Variants in PCDHGA11 observed in about 807,000 individuals in gnomAD.
The protein encoded by PCDHGA11 is protocadherin gamma subfamily A, 11, also known as protocadherin gamma-A11.
PCDHGA11 carries 39 observed loss-of-function variants against 60.4 expected under a neutral mutation model. The observed-to-expected ratio is 0.65, with a 90% CI of 0.50 to 0.84. The LOEUF (loss-of-function observed/expected upper bound fraction) is 0.84. Among genes scored for constraint, PCDHGA11 ranks in the 40% least tolerant of loss-of-function variants. The pLI, the probability that PCDHGA11 is intolerant of heterozygous loss-of-function variation, is 0.00. For synonymous variants in PCDHGA11, 533 were observed against 510.3 expected, an observed-to-expected ratio of 1.04 and a Z score of -0.60; for missense variants, 1,165 against 1,197.7, an observed-to-expected ratio of 0.97 and a Z score of 0.40.
At position 141,422,166 on chromosome 5, in the gene PCDHGA11, T is replaced by A. The variant is rs370704205; in HGVS notation, c.939T>A (p.Tyr313Ter). The change falls in exon 1 of 4, where the codon TAT (tyrosine) becomes TAA (stop). Residue 313 changes from tyrosine to a stop codon, truncating the protein, a stop_gained. Transcript: ENST00000398587. LOFTEE classifies it high-confidence loss of function. ...GGGGGTCTCTGGATTTTGAAAAATA[T>A]AGATTCTATGAGATGGAAATTCAAG... ...QVRGSLDFEK[Y>*]RFYEMEIQGQ... The A allele has an allele frequency of 6.4e-7, 1 of 1,569,256 alleles. No homozygotes were observed. Among genetic ancestry groups the A allele is most frequent in the African/African-American group, 1.4e-5 (1 of 72,688 alleles).
chr5:141,431,162 G>C lies in PCDHGA11; in HGVS notation c.2433+7502G>C, dbSNP rs757521794. The C allele has an allele frequency of 3.1e-6, 5 of 1,614,246 alleles. No homozygotes were observed. The South Asian group carries it at 5.5e-5, about 18-fold the overall frequency. On this transcript the variant is annotated intron_variant, in intron 1 of 3. Coordinates refer to ENST00000398587, the MANE Select transcript of PCDHGA11 (RefSeq NM_018914.3). The surrounding 1 kb of genome is among the most constrained non-coding windows in gnomAD (Gnocchi z 4.8). Reference sequence around the variant, plus strand: ...TAACGACAATGCGCCTTACTTTCGTGAAAGTGAATTAGAAATAAAAATTAG... The same window carrying C: ...TAACGACAATGCGCCTTACTTTCGTCAAAGTGAATTAGAAATAAAAATTAG...
At chr5:141,444,380 A>G (rs1475986922) in intron 1 of PCDHGA11, among the ~76,000 whole-genome samples, 1 of 151,876 alleles carries the variant, frequency 6.6e-6, no homozygotes, top group Non-Finnish European at 1.5e-5. Context: ...CATGTTGGTC[A>G]GGCTAGTCTT....
At chr5:141,466,457 A>G (rs969935541) in intron 1 of PCDHGA11, among the ~76,000 whole-genome samples, 12 of 152,146 alleles carry the variant, frequency 7.9e-5, no homozygotes, top group Admixed American at 6.6e-4. Context: ...GGTGTTGGCT[A>G]TTGTTTCTGC....
At chr5:141,473,450 T>A (rs2099322542) in intron 1 of PCDHGA11, among the ~76,000 whole-genome samples, 2 of 152,150 alleles carry the variant, frequency 1.3e-5, no homozygotes, top group South Asian at 4.1e-4. Flanking sequence ...AAAATAATTA[T>A]AAAATTTAAA....
chr5:141,492,360 G>A (rs2099739696), intron 1 of PCDHGA11, among the ~76,000 whole-genome samples: 1 of 152,190 alleles, frequency 6.6e-6, no homozygotes, highest in African/African-American at 2.4e-5. Context: ...CCACTCGCTC[G>A]CGGCCAGATT....
rs1330257915 is a variant in PCDHGA11 at position 141,486,153 on chromosome 5, C to T, written c.2434-8654C>T. Reference sequence around the variant, plus strand: ...GATGTGCGGGCTCGCGATGGGGGTTCTCCAGCCATGGAGCAACATTGCAGC... The same window carrying T: ...GATGTGCGGGCTCGCGATGGGGGTTTTCCAGCCATGGAGCAACATTGCAGC... On this transcript the variant is annotated intron_variant, in intron 1 of 3. Transcript: ENST00000398587. This position sits in a 1 kb window ranked among gnomAD's most constrained non-coding sequence, Gnocchi z 5.0. 1 of 1,614,084 alleles carries T rather than the reference C, an allele frequency of 6.2e-7. No homozygotes were observed. Among genetic ancestry groups the T allele is most frequent in the Non-Finnish European group, 8.5e-7 (1 of 1,180,036 alleles).
chr5:141,486,408 C>T lies in PCDHGA11; in HGVS notation c.2434-8399C>T. On this transcript the variant is annotated intron_variant, in intron 1 of 3. Coordinates refer to ENST00000398587, the MANE Select transcript of PCDHGA11 (RefSeq NM_018914.3). This position sits in a 1 kb window ranked among gnomAD's most constrained non-coding sequence, Gnocchi z 5.0. ...CAGTTCTCCCTGGTGACTGCTGGAC[C>T]CTTGGATCGAGAGGCCAAATCTAGC... is the stretch of plus-strand genomic sequence containing the variant. The T allele has an allele frequency of 1.2e-6, 2 of 1,614,156 alleles. No individual in the cohort carries two copies. Among genetic ancestry groups the T allele is most frequent in the South Asian group, 2.2e-5 (2 of 91,084 alleles).
chr5:141,471,042 C>G (rs2099247416), intron 1 of PCDHGA11, among the ~76,000 whole-genome samples: 1 of 139,088 alleles, frequency 7.2e-6, no homozygotes, highest in South Asian at 2.3e-4. Flanking sequence ...CAAGCCCAAG[C>G]CCTCTTTTTT....
chr5:141,498,390 T>C (rs2099783500), intron 2 of PCDHGA11, among the ~76,000 whole-genome samples: 1 of 151,982 alleles, frequency 6.6e-6, no homozygotes, highest in Non-Finnish European at 1.5e-5. Context: ...ATCAAGGGAA[T>C]GGCAGGGAGT....
In PCDHGA11 at chr5:141,421,207, A is replaced by G. The variant is rs1318794693; in HGVS notation, c.-21A>G. 3 of 1,533,934 alleles carry G rather than the reference A, an allele frequency of 2.0e-6. No homozygotes were observed. The highest frequency in any genetic ancestry group is 2.6e-6 in the Non-Finnish European group (3 of 1,143,592). ...AACCAACCAGCTCGAGAAACCGCGG[A>G]ATATCGGCTTAGAGCCTGCCATGGC... On this transcript the variant is annotated 5_prime_UTR_variant, in exon 1 of 4. Coordinates refer to ENST00000398587, the MANE Select transcript of PCDHGA11 (RefSeq NM_018914.3).
chr5:141,462,999 C>T (rs1360054048), intron 1 of PCDHGA11, among the ~76,000 whole-genome samples: 1 of 152,068 alleles, frequency 6.6e-6, no homozygotes, highest in Non-Finnish European at 1.5e-5. Flanking sequence ...TAATTTAGAC[C>T]TACCACTTAA....
chr5:141,446,634 G>A (rs927873152), intron 1 of PCDHGA11, among the ~76,000 whole-genome samples: 6 of 151,928 alleles, frequency 3.9e-5, no homozygotes, highest in Admixed American at 2.6e-4. Context: ...GCACCACCAC[G>A]CCTGGCTAAT....
chr5:141,428,561 A>G (rs879118525), intron 1 of PCDHGA11: 16 of 238,202 alleles, frequency 6.7e-5, no homozygotes, highest in South Asian at 5.9e-4. Context: ...GTCCCCCCAC[A>G]AGATCTTTCT....
At position 141,450,006 on chromosome 5, in the gene PCDHGA11, C is replaced by CTAT. The variant is rs70988802; in HGVS notation, c.2433+26347_2433+26348insATT. ...CACATTGCATTTAGTTGCCATGTCT[C>CTAT]TTTTTTTTTTTTTTTTTTGAGACAG... On this transcript the variant is annotated intron_variant, in intron 1 of 3. Transcript: ENST00000398587. Among the ~76,000 whole-genome samples the CTAT allele has an allele frequency of 2.5e-4, 33 of 132,964 alleles. 6 individuals are homozygous for CTAT. Among genetic ancestry groups the CTAT allele is most frequent in the Non-Finnish European group, 2.9e-4 (18 of 62,916 alleles). The allele number at this position is 132,964 out of a possible 152,430, so 87.2% of individuals were successfully genotyped here. A position where few individuals can be genotyped will look rare whatever the true frequency, so the allele number is the denominator to read the frequency against.
In PCDHGA11 at chr5:141,431,469, A is replaced by G; in HGVS notation, c.2433+7809A>G. 1.9e-6 allele frequency: 3 copies of G among 1,613,824 alleles called. No individual in the cohort carries two copies. Among genetic ancestry groups the G allele is most frequent in the Non-Finnish European group, 2.5e-6 (3 of 1,179,968 alleles). ...CGCGTGATGGTTCTGGATGCGAACG[A>G]CAACGCACCAGCGTTTGCTCAGCCC... is the stretch of plus-strand genomic sequence containing the variant. On this transcript the variant is annotated intron_variant, in intron 1 of 3. Coordinates refer to ENST00000398587, the MANE Select transcript of PCDHGA11 (RefSeq NM_018914.3). This position sits in a 1 kb window ranked among gnomAD's most constrained non-coding sequence, Gnocchi z 4.8.
rs756677817 is a variant in PCDHGA11 at position 141,421,789 on chromosome 5, G to A, written c.562G>A (p.Asp188Asn). The A allele has an allele frequency of 3.1e-6, 5 of 1,613,830 alleles. No homozygotes were observed. Among genetic ancestry groups the A allele is most frequent in the East Asian group, 2.2e-5 (1 of 44,882 alleles). ...TTCCTTGCAACTGCGGGGCAGAACGGATGGGGCCAAGAATCCAGAGCTAGT... is the reference window on the plus strand; with the variant it reads ...TTCCTTGCAACTGCGGGGCAGAACGAATGGGGCCAAGAATCCAGAGCTAGT... ...YFSLQLRGRT[D>N]GAKNPELVLE... The change falls in exon 1 of 4, where the codon GAT becomes AAT. Residue 188 changes from aspartate (D) to asparagine (N), a missense_variant. By Grantham distance (23) the Asp-to-Asn change is conservative (BLOSUM62 1). Transcript: ENST00000398587.
chr5:141,483,303 T>A (rs1222660132), intron 1 of PCDHGA11, among the ~76,000 whole-genome samples: 1 of 152,146 alleles, frequency 6.6e-6, no homozygotes, highest in Non-Finnish European at 1.5e-5. Context: ...GTGAAGGGAC[T>A]GGGGACATTG....
intron 1 of PCDHGA11, chr5:141,426,513 C>G (rs780618436): frequency 2.3e-5 from 8 of 341,028 alleles, no homozygotes; most frequent in African/African-American, 4.3e-5. Flanking sequence ...AATACTTTAC[C>G]GTGAACACGG....
At chr5:141,446,718 C>T (rs1279970040) in intron 1 of PCDHGA11, among the ~76,000 whole-genome samples, 4 of 152,174 alleles carry the variant, frequency 2.6e-5, no homozygotes, top group South Asian at 2.1e-4. Flanking sequence ...CTGCCCGCCT[C>T]GGCCTCCCAA....
Sources: gnomAD v4.1 joint callset for allele counts (sites outside exome capture counted in the v4.1 genomes callset) on GRCh38, gnomAD v4.1.1 for gene constraint, Gnocchi (gnomAD v3.1) non-coding constraint, MANE v1.5 for transcripts, NCBI Gene and HGNC (gene_info 2026-07-23, HGNC 2026-07-21) for gene names.